TAP2: variants seen among roughly 807,000 people sequenced by gnomAD.
TAP2 encodes the protein antigen peptide transporter 2.
A neutral mutation model predicts 74.7 loss-of-function variants in TAP2; 49 were observed. That is an observed-to-expected ratio of 0.66 (90% confidence interval 0.52 to 0.83). The LOEUF (loss-of-function observed/expected upper bound fraction) is 0.83. TAP2 is among the 40% of genes least tolerant of loss of function. The pLI, the probability that TAP2 is intolerant of heterozygous loss-of-function variation, is 0.00. For missense variants in TAP2, 739 were observed against 859.0 expected, an observed-to-expected ratio of 0.86 and a Z score of 1.75; for synonymous variants, 306 against 368.4, an observed-to-expected ratio of 0.83 and a Z score of 1.94.
In TAP2 at chr6:32,829,391, G is replaced by A. The variant is rs241442; in HGVS notation, c.1932+9C>T. On this transcript the variant is annotated intron_variant, in intron 11 of 11. Coordinates refer to ENST00000374897, the MANE Select transcript of TAP2 (RefSeq NM_001290043.2). ...GCCCCACTGTCCCCTGCCCTCTCAC[G>A]GTACTCACGGCCTGCTCGCACTGCA... The A allele has an allele frequency of 0.27, 423,427 of 1,586,668 alleles. 58,881 individuals are homozygous for A. Among genetic ancestry groups the A allele is most frequent in the South Asian group, 0.39 (34,267 of 87,652 alleles).
In TAP2 at chr6:32,835,932, AGAG is replaced by A. The variant is rs1769391753; in HGVS notation, c.609-162_609-160del. On this transcript the variant is annotated intron_variant, in intron 3 of 11. Transcript: ENST00000374897. The surrounding 1 kb of genome is among the most constrained non-coding windows in gnomAD (Gnocchi z 4.0). ...AGAAATGAGAGACAGACACACAGAGAGAGAAGAGGTAAGGAATACACAGAGGAA... is the reference window on the plus strand; with the variant it reads ...AGAAATGAGAGACAGACACACAGAGAAAGAGGTAAGGAATACACAGAGGAA... Among the ~76,000 whole-genome samples the A allele has an allele frequency of 6.6e-6, 1 of 152,140 alleles. No individual in the cohort carries two copies. Among genetic ancestry groups the A allele is most frequent in the Non-Finnish European group, 1.5e-5 (1 of 68,014 alleles).
chr6:32,830,480 C>G, intron 8 of TAP2, 40 bp from the exon 9 acceptor site: 1 of 1,594,308 alleles, frequency 6.3e-7, no homozygotes, highest in Non-Finnish European at 8.5e-7. Context: ...TGCCCCTTCT[C>G]CCTCAAAATC....
Position 32,832,501 on chromosome 6 carries a change from C to T in TAP2, c.1144-40G>A. ...GAAAGAGATGAGGCTGGGAATCTTCCCATTCTTTCCCCCTCTCTGCCTCTA... is the reference window on the plus strand; with the variant it reads ...GAAAGAGATGAGGCTGGGAATCTTCTCATTCTTTCCCCCTCTCTGCCTCTA... On this transcript the variant is annotated intron_variant, in intron 6 of 11. Coordinates refer to ENST00000374897, the MANE Select transcript of TAP2 (RefSeq NM_001290043.2). The surrounding 1 kb of genome is among the most constrained non-coding windows in gnomAD (Gnocchi z 5.9). The T allele has an allele frequency of 6.2e-7, 1 of 1,610,814 alleles. No homozygotes were observed. Among genetic ancestry groups the T allele is most frequent in the Non-Finnish European group, 8.5e-7 (1 of 1,178,986 alleles).
Position 32,835,551 on chromosome 6 carries a change from C to G in TAP2, c.739+92G>C. 1 of 1,572,316 alleles carries G rather than the reference C, an allele frequency of 6.4e-7. No homozygotes were observed. Among genetic ancestry groups the G allele is most frequent in the Non-Finnish European group, 8.7e-7 (1 of 1,146,410 alleles). ...AAAAGCATCCCCAAGTCCTGGCATA[C>G]GGGTGAAGGCAGGAGGAGAGGCTGT... On this transcript the variant is annotated intron_variant, in intron 4 of 11. Transcript: ENST00000374897. This position sits in a 1 kb window ranked among gnomAD's most constrained non-coding sequence, Gnocchi z 4.0.
Position 32,826,610 on chromosome 6 carries a change from G to T in TAP2, c.*2296C>A. On this transcript the variant is annotated 3_prime_UTR_variant, in exon 12 of 12. Transcript: ENST00000374897. Reference sequence around the variant, plus strand: ...TCCCTGACATAAAGCCTACCTGGGAGTTTCCCCTGAGATAAGAAACTTTCA... The same window carrying T: ...TCCCTGACATAAAGCCTACCTGGGATTTTCCCCTGAGATAAGAAACTTTCA... 1 of 985,392 alleles carries T rather than the reference G, an allele frequency of 1.0e-6. No homozygotes were observed. Among genetic ancestry groups the T allele is most frequent in the East Asian group, 1.1e-4 (1 of 8,816 alleles). The allele number at this position is 985,392 out of a possible 1,614,324, so 61.0% of individuals were successfully genotyped here. A position where few individuals can be genotyped will look rare whatever the true frequency, so the allele number is the denominator to read the frequency against.
chr6:32,833,267 C>T (rs1428582556), intron 5 of TAP2, among the ~76,000 whole-genome samples: 2 of 152,094 alleles, frequency 1.3e-5, no homozygotes, highest in Middle Eastern at 6.3e-3. Flanking sequence ...GGATATAACA[C>T]CAAACGCACA....
At position 32,837,670 on chromosome 6, in the gene TAP2, A is replaced by T; in HGVS notation, c.494-19T>A. On this transcript the variant is annotated intron_variant, in intron 2 of 11. Coordinates refer to ENST00000374897, the MANE Select transcript of TAP2 (RefSeq NM_001290043.2). The stretch of plus-strand genomic sequence containing the variant: ...GTCTCACCTGAAAGAGGCATGAAAA[A>T]TAACACAAGAATGTGCTGGTGCCCA... 1 of 1,614,134 alleles carries T rather than the reference A, an allele frequency of 6.2e-7. No homozygotes were observed. Among genetic ancestry groups the T allele is most frequent in the Non-Finnish European group, 8.5e-7 (1 of 1,179,964 alleles).
intron 5 of TAP2, among the ~76,000 whole-genome samples, chr6:32,834,315 G>GAA (rs1411522809): frequency 6.6e-6 from 1 of 152,206 alleles, no homozygotes. Context: ...TAAAAGGGAG[G>GAA]AAATTCTAAC....
At position 32,828,050 on chromosome 6, in the gene TAP2, G is replaced by T. The variant is rs568260774; in HGVS notation, c.*856C>A. On this transcript the variant is annotated 3_prime_UTR_variant, in exon 12 of 12. Transcript: ENST00000374897. ...GATGCAATATAATTGATTGGGTCAG[G>T]GTGTGGACTCTAGGGTCAGGCCTGT... 252 of 965,186 alleles carry T rather than the reference G, an allele frequency of 2.6e-4. No individual in the cohort carries two copies. The African/African-American group carries it at 4.3e-3, about 17-fold the overall frequency. 59.8% of individuals were successfully genotyped at this position (965,186 alleles called of 1,614,324 possible).
Position 32,826,208 on chromosome 6 carries a change from G to C in TAP2, c.*2698C>G. 1.0e-6 allele frequency: 1 copy of C among 985,384 alleles called. No homozygotes were observed. Among genetic ancestry groups the C allele is most frequent in the Non-Finnish European group, 1.2e-6 (1 of 829,930 alleles). 61.0% of individuals were successfully genotyped at this position (985,384 alleles called of 1,614,324 possible). A position where few individuals can be genotyped will look rare whatever the true frequency, so the allele number is the denominator to read the frequency against. Reference sequence around the variant, plus strand: ...TTCACAATTGCCATGTGGATTACAAGTGGCTATCCCTGGGTGGAGGCATAA... The same window carrying C: ...TTCACAATTGCCATGTGGATTACAACTGGCTATCCCTGGGTGGAGGCATAA... On this transcript the variant is annotated 3_prime_UTR_variant, in exon 12 of 12. Transcript: ENST00000374897.
Position 32,838,244 on chromosome 6 carries a change from AC to A in TAP2, c.-4-8del, listed in dbSNP as rs1769572609. On this transcript the variant is annotated splice_region_variant and splice_polypyrimidine_tract_variant and intron_variant, in intron 1 of 11. Transcript: ENST00000374897. ...GTCAGGGAGCCGCATGGCTCTGTCA[AC>A]GGATACGAGATGAGAAATCATGGGG... 3.9e-6 allele frequency: 6 copies of A among 1,549,188 alleles called. No homozygotes were observed. In the Admixed American group the frequency reaches 1.2e-4, roughly 31 times the overall value.
At position 32,835,298 on chromosome 6, in the gene TAP2, A is replaced by C. The variant is rs765681128; in HGVS notation, c.801T>G (p.Asn267Lys). The change falls in exon 5 of 12, where the codon AAT becomes AAG. Residue 267 changes from asparagine to lysine, a missense_variant. Coordinates refer to ENST00000374897, the MANE Select transcript of TAP2 (RefSeq NM_001290043.2). This position sits in a 1 kb window ranked among gnomAD's most constrained non-coding sequence, Gnocchi z 4.0. ...CCAGGCTTCGCAAGAGCACATTGGC[A>C]TTTAAAGGAAGCCAGTTACTCATCA... Reference protein sequence around the residue: ...TTLMSNWLPLNANVLLRSLVK... With the variant: ...TTLMSNWLPLKANVLLRSLVK... The C allele has an allele frequency of 2.5e-6, 4 of 1,613,106 alleles. No individual in the cohort carries two copies. The highest frequency in any genetic ancestry group is 3.4e-6 in the Non-Finnish European group (4 of 1,180,028).
downstream of TAP2, among the ~76,000 whole-genome samples, chr6:32,823,039 C>T (rs942911530): frequency 6.6e-6 from 1 of 151,508 alleles, no homozygotes; most frequent in African/African-American, 2.4e-5. Flanking sequence ...CCTGCCTCGG[C>T]CTCCCAAGTA....
Position 32,837,985 on chromosome 6 carries a change from G to A in TAP2, c.249C>T (p.Val83=), listed in dbSNP as rs771431299. ...CTGGGGGAGCACGTGAGGCCCCCGC[G>A]ACCAGGGCTCTCAGGGAGACAGTCA... The part of the protein sequence containing the change: ...TPLTVSLRAL[V]AGASRAPPAR... The change falls in exon 2 of 12, where the codon GTC becomes GTT. Residue 83 remains valine, a synonymous_variant. Coordinates refer to ENST00000374897, the MANE Select transcript of TAP2 (RefSeq NM_001290043.2). 1 of 1,612,598 alleles carries A rather than the reference G, an allele frequency of 6.2e-7. No individual in the cohort carries two copies. The highest frequency in any genetic ancestry group is 8.5e-7 in the Non-Finnish European group (1 of 1,179,864).
chr6:32,830,743 A>G lies in TAP2; in HGVS notation c.1336T>C (p.Tyr446His). The G allele has an allele frequency of 6.2e-7, 1 of 1,612,998 alleles. No homozygotes were observed. The highest frequency in any genetic ancestry group is 8.5e-7 in the Non-Finnish European group (1 of 1,179,996). The change falls in exon 8 of 12, where the codon TAC (tyrosine) becomes CAC (histidine). Residue 446 changes from tyrosine (Y) to histidine (H), a missense_variant. Coordinates refer to ENST00000374897, the MANE Select transcript of TAP2 (RefSeq NM_001290043.2). ...GGCAGATTTGGCTGTCGGTCCATGT[A>G]GGAGAAAACCTTCTCTGCAGCTCCC... is the stretch of plus-strand genomic sequence containing the variant. ...NVGAAEKVFS[Y>H]MDRQPNLPSP...
rs1045839641 is a variant in TAP2 at position 32,827,664 on chromosome 6, T to C, written c.*1242A>G. 1.4e-5 allele frequency: 12 copies of C among 860,816 alleles called. No homozygotes were observed. Among genetic ancestry groups the C allele is most frequent in the Non-Finnish European group, 1.7e-5 (12 of 717,814 alleles). 53.3% of individuals were successfully genotyped at this position (860,816 alleles called of 1,614,324 possible). A position where few individuals can be genotyped will look rare whatever the true frequency, so the allele number is the denominator to read the frequency against. ...CACCATATGCAAAGGCACAAAGGTGTTGGGGAAGGCAGAAGTTTGTCGTGG... is the reference window on the plus strand; with the variant it reads ...CACCATATGCAAAGGCACAAAGGTGCTGGGGAAGGCAGAAGTTTGTCGTGG... On this transcript the variant is annotated 3_prime_UTR_variant, in exon 12 of 12. Transcript: ENST00000374897.
chr6:32,827,316 G>T lies in TAP2; in HGVS notation c.*1590C>A, dbSNP rs1582557667. ...AGGGAGGATTAAGATTAGTACGATG[G>T]TGGAGATATTTATTCATTTATTCAA... On this transcript the variant is annotated 3_prime_UTR_variant, in exon 12 of 12. Transcript: ENST00000374897. The T allele has an allele frequency of 1.0e-6, 1 of 985,404 alleles. No individual in the cohort carries two copies. The highest frequency in any genetic ancestry group is 1.2e-6 in the Non-Finnish European group (1 of 829,918). 61.0% of individuals were successfully genotyped at this position (985,404 alleles called of 1,614,324 possible).
At position 32,830,737 on chromosome 6, in the gene TAP2, C is replaced by T. The variant is rs745691531; in HGVS notation, c.1342G>A (p.Asp448Asn). ...GGTGAAGGCAGATTTGGCTGTCGGT[C>T]CATGTAGGAGAAAACCTTCTCTGCA... The part of the protein sequence containing the change: ...GAAEKVFSYM[D>N]RQPNLPSPGT... Residue 448 changes from aspartate (D) to asparagine (N), a missense_variant, in exon 8 of 12, where the codon GAC (aspartate) becomes AAC (asparagine). Coordinates refer to ENST00000374897, the MANE Select transcript of TAP2 (RefSeq NM_001290043.2). The T allele has an allele frequency of 6.2e-7, 1 of 1,612,986 alleles. No individual in the cohort carries two copies. The highest frequency in any genetic ancestry group is 8.5e-7 in the Non-Finnish European group (1 of 1,179,996).
intron 3 of TAP2, among the ~76,000 whole-genome samples, chr6:32,836,804 C>T (rs1769447855): frequency 6.6e-6 from 1 of 152,200 alleles, no homozygotes; most frequent in African/African-American, 2.4e-5. Context: ...ACTGTAGTTT[C>T]AGCAGAAAGC....
Sources: gnomAD v4.1 joint callset for allele counts (sites outside exome capture counted in the v4.1 genomes callset) on GRCh38, gnomAD v4.1.1 for gene constraint, Gnocchi (gnomAD v3.1) non-coding constraint, MANE v1.5 for transcripts, NCBI Gene and HGNC (gene_info 2026-07-23, HGNC 2026-07-21) for gene names.